SPAG6: variants seen among roughly 807,000 people sequenced by gnomAD.
SPAG6 encodes the protein sperm associated antigen 6.
SPAG6 carries 49 observed loss-of-function variants against 58.5 expected under a neutral mutation model. That is an observed-to-expected ratio of 0.84 (90% confidence interval 0.67 to 1.06). The LOEUF (loss-of-function observed/expected upper bound fraction) is 1.06. Among genes scored for constraint, SPAG6 ranks in the 50% least tolerant of loss-of-function variants. The probability of loss-of-function intolerance (pLI) is 0.00; values close to 1 mark genes in which losing one functional copy is unlikely to be tolerated. For missense variants in SPAG6, 560 were observed against 611.3 expected (o/e 0.92, Z 0.89); for synonymous variants, 233 against 225.6 (o/e 1.03, Z -0.29).
intron 4 of SPAG6, among the ~76,000 whole-genome samples, chr10:22,375,006 T>C (rs1001378623): frequency 1.3e-5 from 2 of 152,220 alleles, no homozygotes; most frequent in Non-Finnish European, 2.9e-5. Flanking sequence ...TAAATCTTTG[T>C]TTTTGGCTTT....
rs1441852847 is a variant in SPAG6 at position 22,394,030 on chromosome 10, C to G, written c.1197+2110C>G. Reference sequence around the variant, plus strand: ...GAATGAGCAATCTTTTGGAATTTCTCTCATGTTTTCTTTGGAGAAATATCT... The same window carrying G: ...GAATGAGCAATCTTTTGGAATTTCTGTCATGTTTTCTTTGGAGAAATATCT... On this transcript the variant is annotated intron_variant, in intron 8 of 10. Coordinates refer to ENST00000376624, the MANE Select transcript of SPAG6 (RefSeq NM_012443.4). 2.6e-5 allele frequency among the ~76,000 whole-genome samples: 4 copies of G among 152,160 alleles called. No homozygotes were observed. In the East Asian group the frequency reaches 7.7e-4, roughly 29 times the overall value.
In SPAG6 at chr10:22,416,699, A is replaced by G. The variant is rs763134414; in HGVS notation, c.*11A>G. 23 of 1,537,738 alleles carry G rather than the reference A, an allele frequency of 1.5e-5. No individual in the cohort carries two copies. The highest frequency in any genetic ancestry group is 1.7e-4 in the Middle Eastern group (1 of 5,732). On this transcript the variant is annotated 3_prime_UTR_variant, in exon 11 of 11. Coordinates refer to ENST00000376624, the MANE Select transcript of SPAG6 (RefSeq NM_012443.4). Reference sequence around the variant, plus strand: ...CCACTTAATAACTGAGCAAAGTTATATTGTGATACTCAAATTCACAGCAGA... The same window carrying G: ...CCACTTAATAACTGAGCAAAGTTATGTTGTGATACTCAAATTCACAGCAGA...
At chr10:22,383,296 G>A (rs1221798319) in intron 4 of SPAG6, among the ~76,000 whole-genome samples, 1 of 152,164 alleles carries the variant, frequency 6.6e-6, no homozygotes, top group Non-Finnish European at 1.5e-5. Flanking sequence ...ATCTTTAGGT[G>A]TGCAGAGTTT....
rs768401153 is a variant in SPAG6, at chr10:22,345,714, C to T, written c.26-9C>T. 5 of 1,609,224 alleles carry T rather than the reference C, an allele frequency of 3.1e-6. No homozygotes were observed. The Admixed American group carries it at 6.7e-5, about 22-fold the overall frequency. On this transcript the variant is annotated splice_polypyrimidine_tract_variant and intron_variant, in intron 1 of 10. Transcript: ENST00000376624. The surrounding 1 kb of genome is among the most constrained non-coding windows in gnomAD (Gnocchi z 6.3). The stretch of plus-strand genomic sequence containing the variant: ...GTGCGGTGGGCTCCACCGACTCTCT[C>T]TCCCGCAGTGTTCGAGCAATACCAG...
Position 22,368,487 on chromosome 10 carries a change from C to T in SPAG6, c.289-8C>T, listed in dbSNP as rs974265279. The stretch of plus-strand genomic sequence containing the variant: ...TCATTTTGAGTTTTGTCTGTTTGAC[C>T]CTTGTAGCGCTTCTACAAGAAAGCA... On this transcript the variant is annotated splice_polypyrimidine_tract_variant and splice_region_variant and intron_variant, in intron 3 of 10. Coordinates refer to ENST00000376624, the MANE Select transcript of SPAG6 (RefSeq NM_012443.4). The T allele has an allele frequency of 1.9e-6, 3 of 1,607,954 alleles. No homozygotes were observed. In the African/African-American group the frequency reaches 4.0e-5, roughly 22 times the overall value.
At chr10:22,413,084 A>G (rs1311731133) in intron 10 of SPAG6, 4 of 150,364 alleles carry the variant, frequency 2.7e-5, no homozygotes, top group Admixed American at 2.6e-4. Flanking sequence ...AAAAAAAAAA[A>G]AAAAGAACTA....
chr10:22,353,945 A>C (rs1033954195), intron 2 of SPAG6, among the ~76,000 whole-genome samples: 9 of 152,222 alleles, frequency 5.9e-5, no homozygotes, highest in Admixed American at 2.0e-4. Flanking sequence ...AAAAGGTGGT[A>C]CTCATGGAAA....
intron 7 of SPAG6, among the ~76,000 whole-genome samples, chr10:22,391,292 A>T (rs908339994): frequency 6.6e-6 from 1 of 152,190 alleles, no homozygotes; most frequent in African/African-American, 2.4e-5. Context: ...GATTTATTTT[A>T]TTCTCAGGCT....
At chr10:22,353,101 G>T (rs895492799) in intron 2 of SPAG6, among the ~76,000 whole-genome samples, 2 of 152,212 alleles carry the variant, frequency 1.3e-5, no homozygotes, top group African/African-American at 4.8e-5. Flanking sequence ...ATATTTTACA[G>T]TAGTGAAGTG....
At chr10:22,363,685 G>C (rs1038490847) in intron 2 of SPAG6, among the ~76,000 whole-genome samples, 1 of 152,116 alleles carries the variant, frequency 6.6e-6, no homozygotes, top group Admixed American at 6.5e-5. Context: ...ATGGCTTCTC[G>C]ACCTTTGGCT....
At chr10:22,349,230 TC>T (rs1219014199) in intron 2 of SPAG6, among the ~76,000 whole-genome samples, 1 of 151,954 alleles carries the variant, frequency 6.6e-6, no homozygotes, top group Non-Finnish European at 1.5e-5. Flanking sequence ...TTTTTTTTTT[TC>T]CTCACTGAGG....
intron 3 of SPAG6, 75 bp from the exon 4 acceptor site, chr10:22,368,420 A>G: frequency 2.8e-6 from 3 of 1,078,034 alleles, no homozygotes; most frequent in South Asian, 3.2e-5. Flanking sequence ...ATTTTTATGT[A>G]GTTTTGGTCT....
intron 8 of SPAG6, among the ~76,000 whole-genome samples, chr10:22,393,268 C>T (rs1218374685): frequency 6.6e-6 from 1 of 152,122 alleles, no homozygotes; most frequent in African/African-American, 2.4e-5. Context: ...CTTCCACCCT[C>T]TCCTGCCACC....
intron 2 of SPAG6, among the ~76,000 whole-genome samples, chr10:22,347,514 G>A (rs1295823536): frequency 6.6e-6 from 1 of 152,010 alleles, no homozygotes; most frequent in Non-Finnish European, 1.5e-5. Context: ...TTAGTTTCTG[G>A]ACAATATGAA....
rs1834192882 is a variant in SPAG6 at position 22,391,901 on chromosome 10, C to T, written c.1178C>T (p.Ser393Phe). Residue 393 changes from serine to phenylalanine, a missense_variant, in exon 8 of 11, where the codon TCT (serine) becomes TTT (phenylalanine). Transcript: ENST00000376624. The part of the protein sequence containing the change: ...LLSLYMSTES[S>F]EDLQVKSKKA... ...TCTTTGTACATGTCAACAGAAAGTT[C>T]TGAGGATCTCCAAGTAAAAGTAAGT... is the stretch of plus-strand genomic sequence containing the variant. The T allele has an allele frequency of 1.2e-6, 2 of 1,611,990 alleles. No homozygotes were observed. The highest frequency in any genetic ancestry group is 2.2e-5 in the East Asian group (1 of 44,862).
intron 10 of SPAG6, among the ~76,000 whole-genome samples, chr10:22,414,433 C>G (rs948238027): frequency 1.4e-4 from 21 of 152,042 alleles, no homozygotes; most frequent in African/African-American, 4.8e-4. Context: ...ACCTTAATTC[C>G]TCTCTCAGTT....
intron 3 of SPAG6, among the ~76,000 whole-genome samples, chr10:22,366,581 C>T (rs960998964): frequency 1.4e-4 from 22 of 151,900 alleles, no homozygotes; most frequent in African/African-American, 4.8e-4. Flanking sequence ...GTGTATTTTG[C>T]CAGAATAAAA....
chr10:22,359,366 A>G (rs993197486), intron 2 of SPAG6: 2 of 371,524 alleles, frequency 5.4e-6, no homozygotes, highest in Non-Finnish European at 7.4e-6. Flanking sequence ...AATTTATGGT[A>G]ACAAATATCT....
intron 9 of SPAG6, among the ~76,000 whole-genome samples, chr10:22,410,263 G>A (rs916119387): frequency 1.3e-5 from 2 of 152,140 alleles, no homozygotes; most frequent in African/African-American, 2.4e-5. Flanking sequence ...TACCAGGCAC[G>A]AGGGAAATGA....
Sources: gnomAD v4.1 joint callset for allele counts (sites outside exome capture counted in the v4.1 genomes callset) on GRCh38, gnomAD v4.1.1 for gene constraint, Gnocchi (gnomAD v3.1) non-coding constraint, MANE v1.5 for transcripts, NCBI Gene and HGNC (gene_info 2026-07-23, HGNC 2026-07-21) for gene names.